ZNF420: variants seen among roughly 807,000 people sequenced by gnomAD.
The protein encoded by ZNF420 is ATM and p53-associated KZNF protein.
ZNF420 carries 31 observed loss-of-function variants against 44.7 expected under a neutral mutation model. That is an observed-to-expected ratio of 0.69 (90% CI 0.52 to 0.94). The LOEUF is 0.94. ZNF420 is among the 40% of genes least tolerant of loss of function. ZNF420 has a pLI of 0.00. For missense variants in ZNF420, 681 were observed against 827.9 expected, an observed-to-expected ratio of 0.82 and a Z score of 2.18; for synonymous variants, 245 against 267.4, an observed-to-expected ratio of 0.92 and a Z score of 0.82.
At chr19:37,094,903 C>T (rs950757704) in intron 4 of ZNF420, among the ~76,000 whole-genome samples, 5 of 152,020 alleles carry the variant, frequency 3.3e-5, no homozygotes, top group Admixed American at 6.6e-5. Flanking sequence ...GAGGCTGAGG[C>T]GGGCAGATCA....
At chr19:37,061,336 C>T (rs1599626241) in intron 1 of ZNF420, among the ~76,000 whole-genome samples, 1 of 152,152 alleles carries the variant, frequency 6.6e-6, no homozygotes, top group East Asian at 1.9e-4. Flanking sequence ...TATAGAGTAA[C>T]TGGGTAAAGA....
chr19:37,009,588 A>C (rs534394018), intron 1 of ZNF420, among the ~76,000 whole-genome samples: 1 of 152,314 alleles, frequency 6.6e-6, no homozygotes, highest in South Asian at 2.1e-4. Flanking sequence ...TCTCCTGGAA[A>C]GCGGTGGCGG....
At chr19:37,080,787 T>G (rs950413403) in intron 2 of ZNF420, among the ~76,000 whole-genome samples, 1 of 152,060 alleles carries the variant, frequency 6.6e-6, no homozygotes, top group African/African-American at 2.4e-5. Flanking sequence ...CCAGGTGTGG[T>G]GGCTCATGCC....
At chr19:37,082,258 G>A (rs911569478) in intron 2 of ZNF420, among the ~76,000 whole-genome samples, 2 of 152,084 alleles carry the variant, frequency 1.3e-5, no homozygotes, top group Admixed American at 1.3e-4. Flanking sequence ...TGCCTCCTGT[G>A]TTCAAGTGAT....
intron 1 of ZNF420, among the ~76,000 whole-genome samples, chr19:37,072,922 G>GA (rs1002001483): frequency 6.6e-6 from 1 of 151,964 alleles, no homozygotes; most frequent in Admixed American, 6.6e-5. Context: ...TTTAAAACAT[G>GA]AAAAAAACAG....
chr19:37,013,845 A>T (rs1287476060), intron 1 of ZNF420, among the ~76,000 whole-genome samples: 1 of 152,200 alleles, frequency 6.6e-6, no homozygotes, highest in Non-Finnish European at 1.5e-5. Context: ...CAACAGGGCC[A>T]GGGGTGAGTT....
chr19:37,050,148 A>G (rs8100528), intron 1 of ZNF420, among the ~76,000 whole-genome samples: 76,298 of 151,968 alleles, frequency 0.5, 19,803 homozygotes, highest in African/African-American at 0.58. Context: ...GTCAGGTAGC[A>G]TGATGCCTCC....
chr19:37,025,182 G>T (rs1967132114), intron 1 of ZNF420: 2 of 427,066 alleles, frequency 4.7e-6, no homozygotes, highest in South Asian at 6.1e-5. Flanking sequence ...AAAGTTGGCG[G>T]CTAGTCCTAA....
At chr19:37,083,263 T>A (rs754544934) in intron 2 of ZNF420, among the ~76,000 whole-genome samples, 1 of 152,142 alleles carries the variant, frequency 6.6e-6, no homozygotes. Context: ...CTTTATGTGA[T>A]GTTAACAGCC....
At chr19:37,109,780 A>G (rs1970286398) in intron 4 of ZNF420, 1 of 152,184 alleles carries the variant, frequency 6.6e-6, no homozygotes, top group Non-Finnish European at 1.5e-5. Flanking sequence ...CTTTCCACCA[A>G]ATCAGTTTTC....
In ZNF420 at chr19:37,130,313, T is replaced by C; in HGVS notation, c.*1255T>C. The stretch of plus-strand genomic sequence containing the variant: ...CTTTAAATAAAATTAAACATCTTAT[T>C]TGTTGATGCTATTGTAGTTCTGTTA... On this transcript the variant is annotated 3_prime_UTR_variant, in exon 5 of 5. Transcript: ENST00000337995. 2 of 1,398,948 alleles carry C rather than the reference T, an allele frequency of 1.4e-6. No individual in the cohort carries two copies. The highest frequency in any genetic ancestry group is 1.9e-6 in the Non-Finnish European group (2 of 1,073,924). 86.7% of individuals were successfully genotyped at this position (1,398,948 alleles called of 1,614,324 possible).
intron 1 of ZNF420, among the ~76,000 whole-genome samples, chr19:37,043,021 C>T (rs756187719): frequency 1.1e-4 from 17 of 152,124 alleles, no homozygotes; most frequent in Non-Finnish European, 2.4e-4. Flanking sequence ...CAATTTTTAT[C>T]AATTAACTTT....
chr19:37,118,454 G>T (rs1454898207), intron 4 of ZNF420, among the ~76,000 whole-genome samples: 1 of 152,094 alleles, frequency 6.6e-6, no homozygotes, highest in Non-Finnish European at 1.5e-5. Flanking sequence ...TGCCCTAAAA[G>T]AGCTCCTGAA....
chr19:37,089,274 G>A, intron 3 of ZNF420, 147 bp downstream of exon 3: 1 of 740,970 alleles, frequency 1.3e-6, no homozygotes, highest in South Asian at 1.5e-5. Context: ...AAGTGATAGT[G>A]TCTTCCCTAA....
intron 1 of ZNF420, among the ~76,000 whole-genome samples, chr19:37,010,869 G>A (rs2074564197): frequency 6.6e-6 from 1 of 152,150 alleles, no homozygotes; most frequent in African/African-American, 2.4e-5. Context: ...GGAGCTCACT[G>A]TCCTGCAGGA....
intron 4 of ZNF420, among the ~76,000 whole-genome samples, chr19:37,119,978 C>T (rs1450234766): frequency 1.3e-5 from 2 of 152,212 alleles, no homozygotes; most frequent in East Asian, 3.9e-4. Context: ...TGGCAATAAT[C>T]AATAGCTTAC....
intron 1 of ZNF420, among the ~76,000 whole-genome samples, chr19:37,010,478 G>C (rs2074560616): frequency 6.6e-6 from 1 of 152,098 alleles, no homozygotes; most frequent in East Asian, 1.9e-4. Flanking sequence ...CTGGGGCTAT[G>C]TGTTTCTGTG....
chr19:37,091,257 A>G (rs1969127010), intron 4 of ZNF420, 136 bp downstream of exon 4: 3 of 927,110 alleles, frequency 3.2e-6, no homozygotes, highest in South Asian at 2.3e-5. Context: ...AATTACTGGA[A>G]GTAGACATGG....
intron 4 of ZNF420, chr19:37,092,600 G>A (rs1329973368): frequency 6.6e-6 from 1 of 152,060 alleles, no homozygotes; most frequent in African/African-American, 2.4e-5. Context: ...AGTAATCCCA[G>A]CTACTCTGGA....
Sources: gnomAD v4.1 joint callset for allele counts (sites outside exome capture counted in the v4.1 genomes callset) on GRCh38, gnomAD v4.1.1 for gene constraint, MANE v1.5 for transcripts, NCBI Gene and HGNC (gene_info 2026-07-23, HGNC 2026-07-21) for gene names.